Variants in CLIP1 observed in about 807,000 individuals in gnomAD.
The protein encoded by CLIP1 is CAP-Gly domain-containing linker protein 1.
CLIP1 carries 66 observed loss-of-function variants against 161.6 expected under a neutral mutation model. That is an observed-to-expected ratio of 0.41 (90% CI 0.33 to 0.50). CLIP1 has a LOEUF of 0.50. Ranked by LOEUF, CLIP1 falls within the 20% of genes least tolerant of loss-of-function variation. The probability of loss-of-function intolerance (pLI) is 0.27; values close to 1 mark genes in which losing one functional copy is unlikely to be tolerated. For missense variants in CLIP1, 1,376 were observed against 1,702.0 expected, an observed-to-expected ratio of 0.81 and a Z score of 3.37; for synonymous variants, 598 against 626.2, an observed-to-expected ratio of 0.96 and a Z score of 0.67.
At chr12:122,343,317 G>A (rs1952594359) in intron 10 of CLIP1, 2 of 152,018 alleles carry the variant, frequency 1.3e-5, no homozygotes, top group African/African-American at 2.4e-5. Context: ...ATTTTTAGTA[G>A]AGACGGGGTT....
At position 122,348,424 on chromosome 12, in the gene CLIP1, C is replaced by T. The variant is rs558617075; in HGVS notation, c.1402-945G>A. On this transcript the variant is annotated intron_variant, in intron 9 of 25. Coordinates refer to ENST00000620786, the MANE Select transcript of CLIP1 (RefSeq NM_001247997.2). ...GTTTTTATTAGCTCAGACATAAAAA[C>T]GCAACTCAACACAAAGGCATGAGTT... Among the ~76,000 whole-genome samples the T allele has an allele frequency of 2.7e-4, 41 of 152,236 alleles. No homozygotes were observed. The South Asian group carries it at 7.7e-3, about 29-fold the overall frequency.
At position 122,341,720 on chromosome 12, in the gene CLIP1, A is replaced by T. The variant is rs200922138; in HGVS notation, c.1507-23T>A. The T allele has an allele frequency of 8.7e-6, 11 of 1,261,736 alleles. No homozygotes were observed. In the African/African-American group the frequency reaches 9.0e-5, roughly 10 times the overall value. 78.2% of individuals were successfully genotyped at this position (1,261,736 alleles called of 1,614,324 possible). A position where few individuals can be genotyped will look rare whatever the true frequency, so the allele number is the denominator to read the frequency against. On this transcript the variant is annotated intron_variant, in intron 10 of 25. Transcript: ENST00000620786. ...CACCTATTAACAGCAGTCCAAAGAA[A>T]AAAAGATCATTTAAATAACAAGTCA...
chr12:122,365,980 G>A (rs767536970), intron 3 of CLIP1, among the ~76,000 whole-genome samples: 2 of 152,088 alleles, frequency 1.3e-5, no homozygotes, highest in Non-Finnish European at 2.9e-5. Context: ...CTGCACTCCA[G>A]CCTGGGTGAC....
chr12:122,380,405 C>T lies in CLIP1; in HGVS notation c.48G>A (p.Leu16=). The T allele has an allele frequency of 6.2e-7, 1 of 1,613,812 alleles. No homozygotes were observed. Among genetic ancestry groups the T allele is most frequent in the African/African-American group, 1.3e-5 (1 of 75,008 alleles). The change falls in exon 2 of 26, where the codon CTG becomes CTA. Residue 16 remains leucine, a synonymous_variant. Coordinates refer to ENST00000620786, the MANE Select transcript of CLIP1 (RefSeq NM_001247997.2). ...PSGLKAPTKI[L]KPGSTALKTP... ...TCTTCAGAGCTGTGCTTCCAGGCTT[C>T]AGGATCTTGGTGGGGGCCTTAAGCC...
rs376149636 is a variant in CLIP1, at chr12:122,377,586, C to T, written c.460G>A (p.Ala154Thr). ...RATSPLCTST[A>T]SMVSSSPSTP... Reference sequence around the variant, plus strand: ...GAGGGGGAGGAAGACACCATGCTGGCCGTAGAAGTGCACAGCGGTGAAGTA... The same window carrying T: ...GAGGGGGAGGAAGACACCATGCTGGTCGTAGAAGTGCACAGCGGTGAAGTA... The change falls in exon 3 of 26, where the codon GCC (alanine) becomes ACC (threonine). Residue 154 changes from alanine to threonine, a missense_variant. Transcript: ENST00000620786. 55 of 1,613,782 alleles carry T rather than the reference C, an allele frequency of 3.4e-5. No individual in the cohort carries two copies. Among genetic ancestry groups the T allele is most frequent in the African/African-American group, 2.3e-4 (17 of 74,838 alleles).
At chr12:122,422,805 TTGTC>T (rs1329775663), upstream of CLIP1, among the ~76,000 whole-genome samples, 2 of 144,140 alleles carry the variant, frequency 1.4e-5, no homozygotes, top group Middle Eastern at 3.3e-3. Context: ...CGCCGCCTCT[TTGTC>T]TGCGCCCACC....
intron 1 of CLIP1, among the ~76,000 whole-genome samples, chr12:122,386,289 A>C (rs1955256791): frequency 6.6e-6 from 1 of 152,180 alleles, no homozygotes; most frequent in Admixed American, 6.6e-5. Context: ...ATCTCAAAAA[A>C]AGAAAAGAAA....
rs1955205673 is a variant in CLIP1 at position 122,272,126 on chromosome 12, A to G, written c.*749T>C. 6.6e-6 allele frequency: 1 copy of G among 152,372 alleles called. No homozygotes were observed. The highest frequency in any genetic ancestry group is 1.5e-5 in the Non-Finnish European group (1 of 68,036). The allele number at this position is 152,372 out of a possible 1,614,324, so 9.4% of individuals were successfully genotyped here. ...GTCCAAAAAGAAAGACACATTGTGT[A>G]TGTTTTTTTCCCAAAATATAGATTT... On this transcript the variant is annotated 3_prime_UTR_variant, in exon 26 of 26. Coordinates refer to ENST00000620786, the MANE Select transcript of CLIP1 (RefSeq NM_001247997.2).
At chr12:122,373,522 GA>G (rs976322200) in intron 3 of CLIP1, among the ~76,000 whole-genome samples, 41 of 133,848 alleles carry the variant, frequency 3.1e-4, no homozygotes, top group African/African-American at 4.7e-4. Flanking sequence ...CAGTAAGACT[GA>G]AAAAAAAAAA....
rs544374705 is a variant in CLIP1, at chr12:122,294,155, T to C, written c.3595-5614A>G. ...CATCCTGACTAACATGGTGAAACCCTGTCTCTACTAAAAATACAAAAAAAT... is the reference window on the plus strand; with the variant it reads ...CATCCTGACTAACATGGTGAAACCCCGTCTCTACTAAAAATACAAAAAAAT... On this transcript the variant is annotated intron_variant, in intron 20 of 25. Coordinates refer to ENST00000620786, the MANE Select transcript of CLIP1 (RefSeq NM_001247997.2). 2.1e-4 allele frequency among the ~76,000 whole-genome samples: 31 copies of C among 150,764 alleles called. No individual in the cohort carries two copies. The South Asian group carries it at 4.0e-3, about 19-fold the overall frequency.
chr12:122,404,976 A>G (rs1266982471), intron 1 of CLIP1, among the ~76,000 whole-genome samples: 2 of 151,954 alleles, frequency 1.3e-5, no homozygotes, highest in Non-Finnish European at 2.9e-5. Context: ...TCAGTTCCAC[A>G]TATCCCCATC....
chr12:122,365,184 A>G, intron 3 of CLIP1: 1 of 440,474 alleles, frequency 2.3e-6, no homozygotes, highest in Non-Finnish European at 3.9e-6. Context: ...ATGTATACAT[A>G]TGTAACTAAC....
chr12:122,402,884 T>C (rs751074543), intron 1 of CLIP1, among the ~76,000 whole-genome samples: 43 of 152,230 alleles, frequency 2.8e-4, no homozygotes, highest in Non-Finnish European at 4.6e-4. Context: ...TTTTTCATAA[T>C]AGATCTTTGA....
intron 19 of CLIP1, 40 bp from the exon 20 acceptor site, chr12:122,309,922 A>T: frequency 1.2e-6 from 2 of 1,609,854 alleles, no homozygotes; most frequent in Non-Finnish European, 1.7e-6. Flanking sequence ...TAGAAACAAG[A>T]CAGGCAAGGA....
At chr12:122,403,494 GTTTTGTTTTTT>G (rs1003515793) in intron 1 of CLIP1, among the ~76,000 whole-genome samples, 3 of 55,816 alleles carry the variant, frequency 5.4e-5, no homozygotes, top group African/African-American at 1.4e-4. Context: ...ATCATTTCTT[GTTTTGTTTTTT>G]TTTTTTTTTT....
At chr12:122,411,373 G>A (rs915404204) in intron 1 of CLIP1, among the ~76,000 whole-genome samples, 6 of 152,172 alleles carry the variant, frequency 3.9e-5, no homozygotes, top group Non-Finnish European at 5.9e-5. Context: ...CCGAGATCAC[G>A]CCATTGCACT....
In CLIP1 at chr12:122,279,627, G is replaced by GT. The variant is rs1220747560; in HGVS notation, c.3648-483dup. 1 of 152,228 alleles carries GT rather than the reference G, an allele frequency of 6.6e-6. No homozygotes were observed. Among genetic ancestry groups the GT allele is most frequent in the Non-Finnish European group, 1.5e-5 (1 of 68,070 alleles). The allele number at this position is 152,228 out of a possible 1,614,324, so 9.4% of individuals were successfully genotyped here. ...TATCAATTGGTTCTCACTAATTTCA[G>GT]TAACTTTTGTAGCAAGTTCCAAGAA... On this transcript the variant is annotated intron_variant, in intron 21 of 25. Coordinates refer to ENST00000620786, the MANE Select transcript of CLIP1 (RefSeq NM_001247997.2). The surrounding 1 kb of genome is among the most constrained non-coding windows in gnomAD (Gnocchi z 4.5).
At chr12:122,291,488 C>T (rs1259526924) in intron 20 of CLIP1, among the ~76,000 whole-genome samples, 1 of 152,206 alleles carries the variant, frequency 6.6e-6, no homozygotes, top group Admixed American at 6.5e-5. Context: ...TCACGCCCGG[C>T]CAGTTCCTCA....
chr12:122,295,073 T>G (rs1482547231), intron 20 of CLIP1, among the ~76,000 whole-genome samples: 1 of 138,824 alleles, frequency 7.2e-6, no homozygotes, highest in South Asian at 2.3e-4. Flanking sequence ...AAAAGAAAAA[T>G]AATAATTAAA....
Sources: gnomAD v4.1 joint callset for allele counts (sites outside exome capture counted in the v4.1 genomes callset) on GRCh38, gnomAD v4.1.1 for gene constraint, Gnocchi (gnomAD v3.1) non-coding constraint, MANE v1.5 for transcripts, NCBI Gene and HGNC (gene_info 2026-07-23, HGNC 2026-07-21) for gene names.